Variants in DLGAP2 observed in about 807,000 individuals in gnomAD.
DLGAP2 encodes disks large-associated protein 2.
A neutral mutation model predicts 100.3 loss-of-function variants in DLGAP2; 26 were observed. The ratio of observed to expected loss-of-function variants is 0.26; its 90% CI spans 0.19 to 0.36. The LOEUF (loss-of-function observed/expected upper bound fraction) is 0.36. Among genes scored for constraint, DLGAP2 ranks in the 10% least tolerant of loss-of-function variants. The pLI is 1.00. For synonymous variants in DLGAP2, 886 were observed against 630.1 expected, an observed-to-expected ratio of 1.41 and a Z score of -6.08; for missense variants, 1,858 against 1,453.2, an observed-to-expected ratio of 1.28 and a Z score of -4.53.
intron 1 of DLGAP2, among the ~76,000 whole-genome samples, chr8:771,483 G>C (rs1398811331): frequency 6.6e-6 from 1 of 152,200 alleles, no homozygotes; most frequent in Non-Finnish European, 1.5e-5. Context: ...CGGGTCTAAG[G>C]CAGGCCGGCT....
chr8:1,275,710 T>G (rs991838028), intron 3 of DLGAP2, among the ~76,000 whole-genome samples: 13 of 103,628 alleles, frequency 1.3e-4, no homozygotes, highest in African/African-American at 4.4e-4. Context: ...ACAGAGCTAA[T>G]AGGACATATA....
intron 2 of DLGAP2, among the ~76,000 whole-genome samples, chr8:1,059,939 G>GT (rs1305921044): frequency 6.6e-6 from 1 of 152,196 alleles, no homozygotes; most frequent in African/African-American, 2.4e-5. Flanking sequence ...ACAGCTGGTG[G>GT]TTTTGAAGTA....
intron 3 of DLGAP2, among the ~76,000 whole-genome samples, chr8:1,267,801 C>T (rs981094098): frequency 4.0e-5 from 6 of 151,860 alleles, no homozygotes; most frequent in Admixed American, 6.6e-5. Context: ...ATGTTTGTCC[C>T]ACGCTGAGCT....
At chr8:885,680 G>C (rs1295730187) in intron 1 of DLGAP2, among the ~76,000 whole-genome samples, 1 of 152,168 alleles carries the variant, frequency 6.6e-6, no homozygotes, top group Admixed American at 6.5e-5. Context: ...TGATGAGAGA[G>C]GGCCTCCTCG....
intron 3 of DLGAP2, among the ~76,000 whole-genome samples, chr8:1,285,916 C>A (rs1002497955): frequency 6.6e-6 from 1 of 152,240 alleles, no homozygotes; most frequent in Non-Finnish European, 1.5e-5. Context: ...TGTGATTGCA[C>A]CACTGCCGTC....
chr8:1,641,779 GC>G (rs1417706044), intron 8 of DLGAP2, among the ~76,000 whole-genome samples: 3 of 152,104 alleles, frequency 2.0e-5, no homozygotes, highest in Non-Finnish European at 4.4e-5. Context: ...AATAATTGAT[GC>G]TTGCATAAGT....
intron 3 of DLGAP2, among the ~76,000 whole-genome samples, chr8:1,311,658 T>G (rs967919936): frequency 1.3e-5 from 2 of 152,112 alleles, no homozygotes; most frequent in Non-Finnish European, 2.9e-5. Context: ...CACATCTCAG[T>G]TGACACACGA....
chr8:1,498,547 G>A (rs962815861), intron 3 of DLGAP2, among the ~76,000 whole-genome samples: 1 of 152,200 alleles, frequency 6.6e-6, no homozygotes, highest in African/African-American at 2.4e-5. Flanking sequence ...CAGGCCCCTT[G>A]GATGGGAATT....
intron 6 of DLGAP2, among the ~76,000 whole-genome samples, chr8:1,573,635 TG>T (rs1249035507): frequency 2.6e-5 from 4 of 152,158 alleles, no homozygotes; most frequent in African/African-American, 9.7e-5. Context: ...CGTGCTGTTC[TG>T]GTGCCCAAAT....
chr8:974,122 A>G (rs1381663891), intron 2 of DLGAP2, among the ~76,000 whole-genome samples: 5 of 152,222 alleles, frequency 3.3e-5, no homozygotes, highest in African/African-American at 1.2e-4. Flanking sequence ...AGTTGATGAG[A>G]ATTTTTCGGA....
At chr8:1,181,462 A>G (rs544990430) in intron 2 of DLGAP2, among the ~76,000 whole-genome samples, 24 of 152,252 alleles carry the variant, frequency 1.6e-4, no homozygotes, top group Admixed American at 5.9e-4. Context: ...GTGGCTGCAT[A>G]GTATTCTCAC....
intron 3 of DLGAP2, among the ~76,000 whole-genome samples, chr8:1,316,896 GCGTGT>G (rs1800767201): frequency 1.5e-5 from 2 of 131,142 alleles, no homozygotes; most frequent in African/African-American, 6.2e-5. Flanking sequence ...TAAAAATAGA[GCGTGT>G]GCGAGTGCAG....
At chr8:930,059 G>T (rs1798920402) in intron 2 of DLGAP2, among the ~76,000 whole-genome samples, 1 of 152,108 alleles carries the variant, frequency 6.6e-6, no homozygotes. Flanking sequence ...GTGCCTGTCA[G>T]TCTGAGACAG....
chr8:806,928 C>A (rs1208703072), intron 1 of DLGAP2, among the ~76,000 whole-genome samples: 2 of 152,206 alleles, frequency 1.3e-5, no homozygotes, highest in Non-Finnish European at 1.5e-5. Context: ...GATAACCGCA[C>A]TGTGTGGCTG....
At chr8:1,269,050 A>C (rs1027297606) in intron 3 of DLGAP2, among the ~76,000 whole-genome samples, 3 of 152,178 alleles carry the variant, frequency 2.0e-5, no homozygotes, top group Admixed American at 6.5e-5. Context: ...CTGATGAACC[A>C]ATAGGGCATA....
chr8:1,295,962 G>A (rs927666923), intron 3 of DLGAP2: 7 of 152,214 alleles, frequency 4.6e-5, no homozygotes, highest in African/African-American at 1.4e-4. Flanking sequence ...TTTGCCAGGA[G>A]ACAGCCGGAT....
Position 1,702,145 on chromosome 8 carries a change from C to G in DLGAP2, c.*739C>G, listed in dbSNP as rs143904558. Reference sequence around the variant, plus strand: ...TGAGTGTTCCCACCAGGAAGTCACGCGCAGAGAGGAGAGTCTTACGGAGGG... The same window carrying G: ...TGAGTGTTCCCACCAGGAAGTCACGGGCAGAGAGGAGAGTCTTACGGAGGG... On this transcript the variant is annotated 3_prime_UTR_variant, in exon 15 of 15. Coordinates refer to ENST00000637795, the MANE Select transcript of DLGAP2 (RefSeq NM_001346810.2). 3 of 152,280 alleles carry G rather than the reference C, an allele frequency of 2.0e-5. No individual in the cohort carries two copies. The highest frequency in any genetic ancestry group is 3.9e-4 in the East Asian group (2 of 5,186). 9.4% of individuals were successfully genotyped at this position (152,280 alleles called of 1,614,324 possible).
intron 3 of DLGAP2, among the ~76,000 whole-genome samples, chr8:1,478,290 C>T (rs1392083544): frequency 6.6e-6 from 1 of 152,188 alleles, no homozygotes; most frequent in East Asian, 1.9e-4. Flanking sequence ...CCCTTTCCTT[C>T]AGGAATTTGC....
rs1799154583 is a variant in DLGAP2 at position 1,255,036 on chromosome 8, C to CCGGCCGCTGTGTGTGTGTCCTCT, written c.74-3814_74-3813insGGCCGCTGTGTGTGTGTCCTCTC. ...GCGCTGTGTGTGTGTCTTCTCCTGC[C>CCGGCCGCTGTGTGTGTGTCCTCT]CAGCCGCTGTGTGTGTGTCCTCTCA... On this transcript the variant is annotated intron_variant, in intron 2 of 14. Coordinates refer to ENST00000637795, the MANE Select transcript of DLGAP2 (RefSeq NM_001346810.2). Among the ~76,000 whole-genome samples the CCGGCCGCTGTGTGTGTGTCCTCT allele has an allele frequency of 2.1e-3, 134 of 64,778 alleles. 16 individuals are homozygous for CCGGCCGCTGTGTGTGTGTCCTCT. Among genetic ancestry groups the CCGGCCGCTGTGTGTGTGTCCTCT allele is most frequent in the Admixed American group, 3.0e-3 (14 of 4,708 alleles). The allele number at this position is 64,778 out of a possible 152,430, so 42.5% of individuals were successfully genotyped here.
Sources: allele counts gnomAD v4.1 joint callset (sites outside exome capture counted in the v4.1 genomes callset), GRCh38; gene constraint gnomAD v4.1.1; transcripts MANE v1.5; gene names NCBI Gene and HGNC (gene_info 2026-07-23, HGNC 2026-07-21).